LINGO2: variants seen among roughly 807,000 people sequenced by gnomAD.
LINGO2 encodes the protein leucine rich repeat and Ig domain containing 2.
LINGO2 carries 14 observed loss-of-function variants against 30.6 expected under a neutral mutation model. The ratio of observed to expected loss-of-function variants is 0.46; its 90% CI spans 0.30 to 0.72. LINGO2 has a LOEUF of 0.72. Ranked by LOEUF, LINGO2 falls within the 30% of genes least tolerant of loss-of-function variation. LINGO2 has a pLI of 0.07. For synonymous variants in LINGO2, 317 were observed against 288.5 expected (o/e 1.10, Z -1.00); for missense variants, 729 against 751.7 (o/e 0.97, Z 0.35).
intron 4 of LINGO2, among the ~76,000 whole-genome samples, chr9:28,226,642 G>GAAAGAAAGAAAGAAA (rs1554690199): frequency 1.9e-5 from 1 of 53,230 alleles, no homozygotes; most frequent in Non-Finnish European, 3.9e-5. Context: ...AAGGAAAGAA[G>GAAAGAAAGAAAGAAA]GAAAGAAAGA....
intron 4 of LINGO2, among the ~76,000 whole-genome samples, chr9:28,256,962 A>G (rs1182799269): frequency 2.0e-5 from 3 of 151,872 alleles, no homozygotes; most frequent in East Asian, 1.9e-4. Flanking sequence ...CTTTAAATCT[A>G]TTGTGAGGAA....
chr9:28,528,220 C>G (rs535800722), intron 1 of LINGO2, among the ~76,000 whole-genome samples: 20 of 152,228 alleles, frequency 1.3e-4, no homozygotes, highest in African/African-American at 4.8e-4. Context: ...AAAATTACTT[C>G]GGTTTTCTGT....
rs114823353 is a variant in LINGO2 at position 28,014,287 on chromosome 9, C to G, written c.-86-1882G>C. 2.8e-3 allele frequency among the ~76,000 whole-genome samples: 431 copies of G among 152,250 alleles called. 3 individuals are homozygous for G. Among genetic ancestry groups the G allele is most frequent in the African/African-American group, 9.9e-3 (412 of 41,550 alleles). ...AAAAAATGACAAAAAATTCTAATGACTAATGGTTTTTCATTATAATTGCAT... is the reference window on the plus strand; with the variant it reads ...AAAAAATGACAAAAAATTCTAATGAGTAATGGTTTTTCATTATAATTGCAT... On this transcript the variant is annotated intron_variant, in intron 4 of 5. Transcript: ENST00000379992.
At chr9:28,003,689 C>T in intron 5 of LINGO2, among the ~76,000 whole-genome samples, 1 of 152,176 alleles carries the variant, frequency 6.6e-6, no homozygotes, top group East Asian at 1.9e-4. Context: ...TCTCGATCTC[C>T]TGACCTTGTG....
the LINGO2 span, among the ~76,000 whole-genome samples, chr9:29,082,115 C>T: frequency 2.4e-4 from 36 of 152,060 alleles, no homozygotes; most frequent in African/African-American, 5.3e-4. Flanking sequence ...GAGCCTGCAT[C>T]GCCAAGTCAA....
At chr9:28,227,043 A>G (rs1821194037) in intron 4 of LINGO2, among the ~76,000 whole-genome samples, 1 of 152,080 alleles carries the variant, frequency 6.6e-6, no homozygotes, top group Admixed American at 6.6e-5. Context: ...AACCCATTGG[A>G]TTATTATGAA....
chr9:28,746,940 A>G, the LINGO2 span, among the ~76,000 whole-genome samples: 2,548 of 152,138 alleles, frequency 0.017, 86 homozygotes, highest in African/African-American at 0.058. Context: ...GATAAACTGA[A>G]TGACTATATG....
intron 4 of LINGO2, among the ~76,000 whole-genome samples, chr9:28,169,970 AC>A (rs1344704201): frequency 1.3e-5 from 2 of 151,540 alleles, no homozygotes; most frequent in African/African-American, 4.9e-5. Context: ...ACCCACCAGC[AC>A]TCCCTATTTC....
the LINGO2 span, among the ~76,000 whole-genome samples, chr9:28,964,432 G>A: frequency 6.6e-6 from 1 of 151,850 alleles, no homozygotes; most frequent in Admixed American, 6.6e-5. Context: ...CTAAAATATT[G>A]AGGCAAGAAG....
At chr9:28,200,150 G>A (rs1008642143) in intron 4 of LINGO2, among the ~76,000 whole-genome samples, 2 of 152,168 alleles carry the variant, frequency 1.3e-5, no homozygotes, top group Non-Finnish European at 2.9e-5. Context: ...AGTATTGTGT[G>A]ATTTACAAAG....
intron 3 of LINGO2, among the ~76,000 whole-genome samples, chr9:28,333,192 A>C (rs1401624689): frequency 6.6e-6 from 1 of 152,214 alleles, no homozygotes; most frequent in Non-Finnish European, 1.5e-5. Flanking sequence ...CATCGTGCCC[A>C]TGTCTTTGTG....
the LINGO2 span, among the ~76,000 whole-genome samples, chr9:28,947,908 G>A: frequency 1.3e-5 from 2 of 151,908 alleles, no homozygotes; most frequent in Non-Finnish European, 2.9e-5. Context: ...CATCTCCAGT[G>A]GATTTCCTAG....
At chr9:28,696,915 A>AT in the LINGO2 span, among the ~76,000 whole-genome samples, 6 of 151,426 alleles carry the variant, frequency 4.0e-5, no homozygotes, top group East Asian at 3.9e-4. Flanking sequence ...CATGATCTAA[A>AT]TTTTTTTTTC....
At chr9:28,029,944 G>A (rs1587724883) in intron 4 of LINGO2, among the ~76,000 whole-genome samples, 2 of 152,278 alleles carry the variant, frequency 1.3e-5, no homozygotes, top group African/African-American at 2.4e-5. Context: ...TCCTACTGAA[G>A]GAGAGGACAA....
At chr9:28,300,073 G>A (rs1331315569) in intron 3 of LINGO2, among the ~76,000 whole-genome samples, 2 of 144,642 alleles carry the variant, frequency 1.4e-5, no homozygotes, top group Non-Finnish European at 3.0e-5. Flanking sequence ...AGTTTTAAAT[G>A]AATTTAATTT....
chr9:28,628,914 G>A (rs1041091534), intron 1 of LINGO2, among the ~76,000 whole-genome samples: 2 of 152,036 alleles, frequency 1.3e-5, no homozygotes, highest in Admixed American at 1.3e-4. Flanking sequence ...TAAGATTAGT[G>A]GATGAATCTC....
chr9:28,024,354 T>C (rs1439881283), intron 4 of LINGO2, among the ~76,000 whole-genome samples: 1 of 152,176 alleles, frequency 6.6e-6, no homozygotes, highest in Admixed American at 6.5e-5. Context: ...GGGTAACAGC[T>C]GACCCTGCTT....
chr9:28,052,787 C>T (rs10968305), intron 4 of LINGO2, among the ~76,000 whole-genome samples: 10,594 of 152,058 alleles, frequency 0.07, 635 homozygotes, highest in African/African-American at 0.17. Flanking sequence ...CATCTTAGTT[C>T]TCAAGTACAT....
intron 2 of LINGO2, among the ~76,000 whole-genome samples, chr9:28,401,147 A>C (rs2134744514): frequency 6.6e-6 from 1 of 152,324 alleles, no homozygotes; most frequent in Admixed American, 6.5e-5. Context: ...GGTACAATTA[A>C]GATTTTAAAT....
Sources: allele counts gnomAD v4.1 joint callset (sites outside exome capture counted in the v4.1 genomes callset), GRCh38; gene constraint gnomAD v4.1.1; transcripts MANE v1.5; gene names NCBI Gene and HGNC (gene_info 2026-07-23, HGNC 2026-07-21).